TRABD2B: variants seen among roughly 807,000 people sequenced by gnomAD.
The protein encoded by TRABD2B is TraB domain containing 2B, also known as metalloprotease TIKI2.
Under a neutral mutation model 40.1 loss-of-function variants are expected in TRABD2B, and 14 were observed. That is an observed-to-expected ratio of 0.35 (90% confidence interval 0.23 to 0.55). The LOEUF (loss-of-function observed/expected upper bound fraction) is 0.55. TRABD2B is among the 20% of genes least tolerant of loss of function. The probability of loss-of-function intolerance (pLI) is 0.90; values close to 1 mark genes in which losing one functional copy is unlikely to be tolerated. For missense variants in TRABD2B, 541 were observed against 648.6 expected (o/e 0.83, Z 1.80); for synonymous variants, 263 against 277.0 (o/e 0.95, Z 0.50).
intron 6 of TRABD2B, among the ~76,000 whole-genome samples, chr1:47,770,798 G>A (rs1471641881): frequency 1.3e-5 from 2 of 152,210 alleles, no homozygotes; most frequent in Non-Finnish European, 2.9e-5. Context: ...CTCATTTAAG[G>A]GTTTGGCCAA....
At position 47,817,851 on chromosome 1, in the gene TRABD2B, G is replaced by C. The variant is rs1645055221; in HGVS notation, c.667-16232C>G. ...CTCAGGGGCCGTGGGCCCAGGAGCA[G>C]GCCTGGGAGGTCAGCAAGCCTGGGA... On this transcript the variant is annotated intron_variant, in intron 2 of 6. Transcript: ENST00000606738. Among the ~76,000 whole-genome samples, 3 of 152,358 alleles carry C rather than the reference G, an allele frequency of 2.0e-5. No homozygotes were observed. The South Asian group carries it at 6.2e-4, about 32-fold the overall frequency.
intron 2 of TRABD2B, among the ~76,000 whole-genome samples, chr1:47,811,108 G>T (rs1187339451): frequency 1.3e-5 from 2 of 152,204 alleles, no homozygotes; most frequent in Non-Finnish European, 2.9e-5. Flanking sequence ...GTCTTTGAAG[G>T]CCTGTGGCTT....
intron 2 of TRABD2B, among the ~76,000 whole-genome samples, chr1:47,806,621 C>T (rs546050207): frequency 6.6e-6 from 1 of 152,328 alleles, no homozygotes; most frequent in Admixed American, 6.5e-5. Context: ...GGACTCCCCT[C>T]ACCAACGCTG....
chr1:47,932,213 T>C (rs1347809247), intron 2 of TRABD2B, among the ~76,000 whole-genome samples: 1 of 152,192 alleles, frequency 6.6e-6, no homozygotes, highest in Non-Finnish European at 1.5e-5. Flanking sequence ...TGTAAGACCA[T>C]CCATGAGGTA....
chr1:47,870,890 G>C (rs1237872630), intron 2 of TRABD2B, among the ~76,000 whole-genome samples: 1 of 152,122 alleles, frequency 6.6e-6, no homozygotes, highest in African/African-American at 2.4e-5. Context: ...GACCAGGAAG[G>C]GCATTTAGGC....
At chr1:47,932,304 G>T (rs967906525) in intron 2 of TRABD2B, among the ~76,000 whole-genome samples, 5 of 152,170 alleles carry the variant, frequency 3.3e-5, no homozygotes, top group Admixed American at 3.3e-4. Context: ...GCTACAGAAG[G>T]TGCACCAAGG....
Position 47,951,161 on chromosome 1 carries a change from C to T in TRABD2B, c.666+42873G>A, listed in dbSNP as rs183647179. 2.8e-3 allele frequency among the ~76,000 whole-genome samples: 424 copies of T among 152,266 alleles called. 3 individuals carry two copies. The highest frequency in any genetic ancestry group is 9.7e-3 in the African/African-American group (404 of 41,558). ...CTTTCCTCCCCAGCGCCAAGCCAAG[C>T]GGGCAGCAGCAGGCCCACTGCACCA... On this transcript the variant is annotated intron_variant, in intron 2 of 6. Coordinates refer to ENST00000606738, the MANE Select transcript of TRABD2B (RefSeq NM_001194986.2).
At chr1:47,769,959 A>AGAAATCACAAGCCTAAGGCC (rs1553148646) in intron 6 of TRABD2B, among the ~76,000 whole-genome samples, 3 of 152,210 alleles carry the variant, frequency 2.0e-5, no homozygotes, top group Non-Finnish European at 4.4e-5. Flanking sequence ...AGCCCAAGGC[A>AGAAATCACAAGCCTAAGGCC]GAAAGCAAGG....
chr1:47,874,306 C>T (rs1324377066), intron 2 of TRABD2B, among the ~76,000 whole-genome samples: 7 of 141,024 alleles, frequency 5.0e-5, no homozygotes, highest in Non-Finnish European at 7.6e-5. Flanking sequence ...TCGCCCAGGC[C>T]GGACTGCGGA....
chr1:47,849,525 A>G (rs1222137375), intron 2 of TRABD2B, among the ~76,000 whole-genome samples: 1 of 152,224 alleles, frequency 6.6e-6, no homozygotes, highest in African/African-American at 2.4e-5. Context: ...ATTTGCCAAA[A>G]TAAGACAGGA....
intron 2 of TRABD2B, among the ~76,000 whole-genome samples, chr1:47,919,250 TAA>T (rs1215044312): frequency 6.6e-6 from 1 of 152,058 alleles, no homozygotes; most frequent in East Asian, 1.9e-4. Context: ...GATGGGAAAA[TAA>T]AAGAGAGTGA....
intron 2 of TRABD2B, among the ~76,000 whole-genome samples, chr1:47,857,491 C>T (rs778537267): frequency 5.3e-4 from 81 of 152,258 alleles, no homozygotes; most frequent in African/African-American, 1.8e-3. Context: ...TCCCTGATCC[C>T]GTGAGCAAGG....
chr1:47,868,216 A>G (rs545218151), intron 2 of TRABD2B, among the ~76,000 whole-genome samples: 2 of 152,388 alleles, frequency 1.3e-5, no homozygotes, highest in South Asian at 2.1e-4. Context: ...TTCCTGAACT[A>G]CATGCTTTAT....
chr1:47,995,166 A>C (rs1646071976), intron 1 of TRABD2B, among the ~76,000 whole-genome samples: 1 of 151,424 alleles, frequency 6.6e-6, no homozygotes, highest in Non-Finnish European at 1.5e-5. Context: ...CTTTGAAAGC[A>C]GAACACCTAT....
At chr1:47,993,553 C>G (rs968943038) in intron 2 of TRABD2B, among the ~76,000 whole-genome samples, 10 of 152,190 alleles carry the variant, frequency 6.6e-5, no homozygotes, top group African/African-American at 2.4e-4. Context: ...TGGCAAGCAG[C>G]ACTCTACTGT....
At chr1:47,962,671 C>T (rs1645538548) in intron 2 of TRABD2B, among the ~76,000 whole-genome samples, 1 of 152,176 alleles carries the variant, frequency 6.6e-6, no homozygotes, top group African/African-American at 2.4e-5. Context: ...TACTGTGATT[C>T]CTCCATTTTA....
chr1:47,765,923 C>T lies in TRABD2B; in HGVS notation c.1533G>A (p.Leu511=). The T allele has an allele frequency of 2.8e-6, 2 of 702,970 alleles. No homozygotes were observed. The highest frequency in any genetic ancestry group is 5.2e-6 in the Non-Finnish European group (2 of 384,972). 43.5% of individuals were successfully genotyped at this position (702,970 alleles called of 1,614,324 possible). The change falls in exon 7 of 7, where the codon CTG becomes CTA. Residue 511 remains leucine (L), a synonymous_variant. Transcript: ENST00000606738. Reference sequence around the variant, plus strand: ...GAGGTCAGGAGGGCCCAAGGCTATGCAGCAGGAAGCAGACAGCGATGGTGG... The same window carrying T: ...GAGGTCAGGAGGGCCCAAGGCTATGTAGCAGGAAGCAGACAGCGATGGTGG... ...IATTIAVCFL[L]HSLGPS is the part of the protein sequence containing the mutation.
chr1:47,844,854 CTCAGAG>C (rs1645446910), intron 2 of TRABD2B, among the ~76,000 whole-genome samples: 1 of 152,176 alleles, frequency 6.6e-6, no homozygotes, highest in African/African-American at 2.4e-5. Flanking sequence ...GACTTAGACA[CTCAGAG>C]TCAGACTCTC....
chr1:47,850,477 T>C (rs1391068483), intron 2 of TRABD2B, among the ~76,000 whole-genome samples: 1 of 152,254 alleles, frequency 6.6e-6, no homozygotes, highest in Non-Finnish European at 1.5e-5. Flanking sequence ...TCTAGATTCA[T>C]GCATTCAATG....
Sources: gnomAD v4.1 joint callset for allele counts (sites outside exome capture counted in the v4.1 genomes callset) on GRCh38, gnomAD v4.1.1 for gene constraint, MANE v1.5 for transcripts, NCBI Gene and HGNC (gene_info 2026-07-23, HGNC 2026-07-21) for gene names.